The following SLC35F5 variants were observed in gnomAD, a reference collection of about 807,000 sequenced individuals.
The protein encoded by SLC35F5 is HCV NS5A-transactivated protein 3.
In SLC35F5, 54 loss-of-function variants were observed where a neutral mutation model predicts 68.6. That is an observed-to-expected ratio of 0.79 (90% CI 0.63 to 0.99). The LOEUF is 0.99. Ranked by LOEUF, SLC35F5 falls within the 50% of genes least tolerant of loss-of-function variation. SLC35F5 has a pLI of 0.00. For synonymous variants in SLC35F5, 211 were observed against 205.2 expected, an observed-to-expected ratio of 1.03 and a Z score of -0.24; for missense variants, 567 against 626.9, an observed-to-expected ratio of 0.90 and a Z score of 1.02.
At position 113,723,116 on chromosome 2, in the gene SLC35F5, C is replaced by T. The variant is rs780074724; in HGVS notation, c.1329G>A (p.Met443Ile). The change falls in exon 13 of 16, where the codon ATG becomes ATA. Residue 443 changes from methionine (M) to isoleucine (I), a missense_variant. Physicochemically the swap from Met to Ile is conservative, Grantham distance 10. Transcript: ENST00000245680. ...ATAGTTTCCTTACCTTTTGCATACACATGTCAGCTATTATGGACAGAGGTA... is the reference window on the plus strand; with the variant it reads ...ATAGTTTCCTTACCTTTTGCATACATATGTCAGCTATTATGGACAGAGGTA... ...LTIPLSIIAD[M>I]CMQKVQFSWL... The T allele has an allele frequency of 1.9e-6, 3 of 1,559,980 alleles. No homozygotes were observed. The Admixed American group carries it at 5.5e-5, about 29-fold the overall frequency.
intron 7 of SLC35F5, among the ~76,000 whole-genome samples, chr2:113,736,730 A>G (rs1488627430): frequency 6.6e-6 from 1 of 152,178 alleles, no homozygotes; most frequent in African/African-American, 2.4e-5. Context: ...TGGAAACACA[A>G]CCCAAAGAGT....
Position 113,750,550 on chromosome 2 carries a change from T to G in SLC35F5, c.292A>C (p.Asn98His). 6.2e-7 allele frequency: 1 copy of G among 1,611,172 alleles called. No individual in the cohort carries two copies. Among genetic ancestry groups the G allele is most frequent in the East Asian group, 2.2e-5 (1 of 44,778 alleles). ...ELTSYVFTQYNKPFFSTFAKT... is the reference protein window; with the variant it reads ...ELTSYVFTQYHKPFFSTFAKT... Reference sequence around the variant, plus strand: ...GCAAAGGTGCTGAAGAATGGTTTGTTGTACTGGGTAAAAACATACTGTAGA... The same window carrying G: ...GCAAAGGTGCTGAAGAATGGTTTGTGGTACTGGGTAAAAACATACTGTAGA... Residue 98 changes from asparagine (N) to histidine (H), a missense_variant, in exon 4 of 16, where the codon AAC becomes CAC. Asn to His is a moderately conservative substitution (Grantham distance 68). Transcript: ENST00000245680.
At chr2:113,727,354 T>A (rs1409982511) in intron 11 of SLC35F5, among the ~76,000 whole-genome samples, 1 of 152,062 alleles carries the variant, frequency 6.6e-6, no homozygotes. Context: ...ATCTATTGAT[T>A]AAAAAAACAA....
chr2:113,733,612 T>C (rs1687978060), intron 9 of SLC35F5, among the ~76,000 whole-genome samples: 1 of 152,158 alleles, frequency 6.6e-6, no homozygotes, highest in Non-Finnish European at 1.5e-5. Flanking sequence ...CAGCTGCCCA[T>C]TGGAGCAACC....
chr2:113,717,772 C>G lies in SLC35F5; in HGVS notation c.*3G>C. On this transcript the variant is annotated 3_prime_UTR_variant, in exon 15 of 16. Transcript: ENST00000245680. ...ACAAACCTGGGCTACAGACAACAGA[C>G]AGCTAACTAGCTCCATCCTCCTGAG... 2 of 1,611,416 alleles carry G rather than the reference C, an allele frequency of 1.2e-6. No individual in the cohort carries two copies. Among genetic ancestry groups the G allele is most frequent in the Middle Eastern group, 1.7e-4 (1 of 6,048 alleles).
chr2:113,748,173 A>T (rs982064087), intron 4 of SLC35F5, among the ~76,000 whole-genome samples: 13 of 152,072 alleles, frequency 8.5e-5, no homozygotes, highest in African/African-American at 2.4e-5. Flanking sequence ...TTTCATTTTT[A>T]TTTTATTTTT....
intron 7 of SLC35F5, among the ~76,000 whole-genome samples, chr2:113,738,671 AC>A (rs1431457334): frequency 1.3e-5 from 2 of 151,750 alleles, no homozygotes; most frequent in Admixed American, 6.6e-5. Context: ...AAAAAAAAAA[AC>A]AACCTAGTAA....
rs534182456 is a variant in SLC35F5 at position 113,713,366 on chromosome 2, G to C, written c.*1852C>G. ...GTGATGATAAGAGCACAGAACACATGAACAACCAAAAGATTCTAAGCTCAG... is the reference window on the plus strand; with the variant it reads ...GTGATGATAAGAGCACAGAACACATCAACAACCAAAAGATTCTAAGCTCAG... On this transcript the variant is annotated 3_prime_UTR_variant, in exon 16 of 16. Coordinates refer to ENST00000245680, the MANE Select transcript of SLC35F5 (RefSeq NM_025181.5). 5 of 151,750 alleles carry C rather than the reference G, an allele frequency of 3.3e-5. No individual in the cohort carries two copies. Among genetic ancestry groups the C allele is most frequent in the Non-Finnish European group, 5.9e-5 (4 of 67,908 alleles). The allele number at this position is 151,750 out of a possible 1,614,324, so 9.4% of individuals were successfully genotyped here.
In SLC35F5 at chr2:113,708,483, T is replaced by A. The variant is rs1686866611; in HGVS notation, c.*6735A>T. On this transcript the variant is annotated 3_prime_UTR_variant, in exon 16 of 16. Coordinates refer to ENST00000245680, the MANE Select transcript of SLC35F5 (RefSeq NM_025181.5). ...ACTTTGGGAGGCCGAGGCGTGTAGA[T>A]CACTTGAGGTCAAGAGTTCAAGACC... Among the ~76,000 whole-genome samples, 1 of 152,098 alleles carries A rather than the reference T, an allele frequency of 6.6e-6. No individual in the cohort carries two copies. The highest frequency in any genetic ancestry group is 2.4e-5 in the African/African-American group (1 of 41,428).
rs1686845577 is a variant in SLC35F5 at position 113,707,932 on chromosome 2, T to C, written c.*7286A>G. Among the ~76,000 whole-genome samples the C allele has an allele frequency of 6.6e-6, 1 of 152,178 alleles. No homozygotes were observed. The highest frequency in any genetic ancestry group is 1.5e-5 in the Non-Finnish European group (1 of 68,026). On this transcript the variant is annotated 3_prime_UTR_variant, in exon 16 of 16. Transcript: ENST00000245680. ...TACAATGTATCCTGGCACTTATTTT[T>C]TTTAAACCATTATCAGATATTTCAT... is the stretch of plus-strand genomic sequence containing the variant.
chr2:113,708,014 C>G lies in SLC35F5; in HGVS notation c.*7204G>C, dbSNP rs1686848537. Reference sequence around the variant, plus strand: ...ATGTCCTGTCTGCATTCCTCCTAGCCTCTCTCTGCTCAGGTTTTGGAAAAT... The same window carrying G: ...ATGTCCTGTCTGCATTCCTCCTAGCGTCTCTCTGCTCAGGTTTTGGAAAAT... On this transcript the variant is annotated 3_prime_UTR_variant, in exon 16 of 16. Transcript: ENST00000245680. 6.6e-6 allele frequency among the ~76,000 whole-genome samples: 1 copy of G among 150,996 alleles called. No individual in the cohort carries two copies. The highest frequency in any genetic ancestry group is 2.4e-5 in the African/African-American group (1 of 41,278).
intron 7 of SLC35F5, among the ~76,000 whole-genome samples, chr2:113,741,100 C>T (rs1010547461): frequency 4.6e-5 from 7 of 152,138 alleles, no homozygotes; most frequent in African/African-American, 1.7e-4. Context: ...ATTCTGCCTT[C>T]AAAAGAAAGG....
rs1015517831 is a variant in SLC35F5 at position 113,756,414 on chromosome 2, G to C, written c.-5C>G. The C allele has an allele frequency of 1.3e-6, 2 of 1,552,246 alleles. No individual in the cohort carries two copies. Among genetic ancestry groups the C allele is most frequent in the African/African-American group, 1.4e-5 (1 of 73,320 alleles). On this transcript the variant is annotated 5_prime_UTR_variant, in exon 1 of 16. Coordinates refer to ENST00000245680, the MANE Select transcript of SLC35F5 (RefSeq NM_025181.5). ...ATGGCGTCGTGGCGGCACCATGAGC[G>C]GACCGGTCAGGCCCCGCAGCCGCCC...
intron 7 of SLC35F5, among the ~76,000 whole-genome samples, chr2:113,740,598 C>G (rs532960625): frequency 6.6e-6 from 1 of 152,180 alleles, no homozygotes; most frequent in East Asian, 1.9e-4. Context: ...TGTTATGCAA[C>G]CATCACCCCA....
At chr2:113,756,132 G>A (rs1420271695) in intron 1 of SLC35F5, 5 of 1,445,526 alleles carry the variant, frequency 3.5e-6, no homozygotes, top group Admixed American at 2.8e-5. Context: ...GACAGTTAAG[G>A]CAGCGACGCC....
chr2:113,734,602 A>G lies in SLC35F5; in HGVS notation c.904T>C (p.Leu302=), dbSNP rs1574242342. Residue 302 remains leucine, a synonymous_variant, in exon 9 of 16, where the codon TTA becomes CTA. Coordinates refer to ENST00000245680, the MANE Select transcript of SLC35F5 (RefSeq NM_025181.5). ...SGDRFTLSKL[L]AVILSIGGVV... Reference sequence around the variant, plus strand: ...TATGCTTACCTTAAAATTACAGCTAATAGTTTAGAAAGGGTAAATCTATCT... The same window carrying G: ...TATGCTTACCTTAAAATTACAGCTAGTAGTTTAGAAAGGGTAAATCTATCT... 6.3e-6 allele frequency: 10 copies of G among 1,589,518 alleles called. No homozygotes were observed. In the East Asian group the frequency reaches 2.0e-4, roughly 32 times the overall value.
chr2:113,748,717 T>C (rs1026122061), intron 4 of SLC35F5, among the ~76,000 whole-genome samples: 1 of 152,244 alleles, frequency 6.6e-6, no homozygotes, highest in Non-Finnish European at 1.5e-5. Flanking sequence ...AAAAAATACA[T>C]ACTCATATTT....
Position 113,712,079 on chromosome 2 carries a change from T to G in SLC35F5, c.*3139A>C, listed in dbSNP as rs1262014751. 6.6e-6 allele frequency among the ~76,000 whole-genome samples: 1 copy of G among 152,200 alleles called. No individual in the cohort carries two copies. The highest frequency in any genetic ancestry group is 1.5e-5 in the Non-Finnish European group (1 of 68,034). ...CATTAAAATTCTTCTGAAACAAGGC[T>G]GTGTACCTTTGAGAACATTCACATT... On this transcript the variant is annotated 3_prime_UTR_variant, in exon 16 of 16. Coordinates refer to ENST00000245680, the MANE Select transcript of SLC35F5 (RefSeq NM_025181.5).
intron 13 of SLC35F5, among the ~76,000 whole-genome samples, chr2:113,722,395 A>G (rs1358259764): frequency 6.6e-6 from 1 of 152,134 alleles, no homozygotes; most frequent in Non-Finnish European, 1.5e-5. Context: ...ACATACACAC[A>G]CACACACACA....
Sources: allele counts gnomAD v4.1 joint callset (sites outside exome capture counted in the v4.1 genomes callset), GRCh38; gene constraint gnomAD v4.1.1; transcripts MANE v1.5; gene names NCBI Gene and HGNC (gene_info 2026-07-23, HGNC 2026-07-21).